The following DOCK3 variants were observed in gnomAD, a reference collection of about 807,000 sequenced individuals.
DOCK3 encodes the protein dedicator of cytokinesis 3.
DOCK3 carries 60 observed loss-of-function variants against 265.6 expected under a neutral mutation model. The observed-to-expected ratio is 0.23, with a 90% CI of 0.18 to 0.28. DOCK3 has a LOEUF of 0.28. Ranked by LOEUF, DOCK3 falls within the 10% of genes least tolerant of loss-of-function variation. DOCK3 has a pLI of 1.00. For missense variants in DOCK3, 1,981 were observed against 2,594.3 expected (o/e 0.76, Z 5.14); for synonymous variants, 881 against 938.0 (o/e 0.94, Z 1.11).
At chr3:51,157,434 T>TG (rs2085905921) in intron 10 of DOCK3, among the ~76,000 whole-genome samples, 1 of 152,022 alleles carries the variant, frequency 6.6e-6, no homozygotes, top group African/African-American at 2.4e-5. Flanking sequence ...TTAGTAGAGA[T>TG]GGGGTTTCAC....
chr3:51,231,482 G>A (rs1185908101), intron 19 of DOCK3, among the ~76,000 whole-genome samples: 1 of 152,052 alleles, frequency 6.6e-6, no homozygotes, highest in African/African-American at 2.4e-5. Flanking sequence ...TCTCATTGTG[G>A]TTTTGATTTG....
intron 21 of DOCK3, among the ~76,000 whole-genome samples, chr3:51,238,119 C>CTTT (rs747331452): frequency 1.5e-4 from 7 of 47,486 alleles, no homozygotes; most frequent in Admixed American, 3.8e-4. Context: ...ATATTTACCA[C>CTTT]TTTTTTTTTT....
intron 1 of DOCK3, among the ~76,000 whole-genome samples, chr3:50,701,775 C>T (rs1172854926): frequency 1.3e-5 from 2 of 152,148 alleles, no homozygotes; most frequent in African/African-American, 2.4e-5. Flanking sequence ...TTTCATTCTT[C>T]TACATATTGA....
chr3:50,736,783 G>A (rs1399670409), intron 1 of DOCK3, among the ~76,000 whole-genome samples: 5 of 143,704 alleles, frequency 3.5e-5, no homozygotes, highest in Middle Eastern at 3.6e-3. Context: ...TGCAAGCTCC[G>A]CCTCCCAGGT....
rs2086755234 is a variant in DOCK3, at chr3:51,361,794, C to T, written c.5007-65C>T. 1 of 1,565,426 alleles carries T rather than the reference C, an allele frequency of 6.4e-7. No homozygotes were observed. Reference sequence around the variant, plus strand: ...AGGGATGACTATTCCACACATTCCGCTCTACTGTCCCCCTGCCACCTGCCA... The same window carrying T: ...AGGGATGACTATTCCACACATTCCGTTCTACTGTCCCCCTGCCACCTGCCA... On this transcript the variant is annotated intron_variant, in intron 47 of 52. Transcript: ENST00000266037. The surrounding 1 kb of genome is among the most constrained non-coding windows in gnomAD (Gnocchi z 4.2).
At chr3:50,716,855 G>A (rs551126936) in intron 1 of DOCK3, among the ~76,000 whole-genome samples, 1 of 152,134 alleles carries the variant, frequency 6.6e-6, no homozygotes, top group Non-Finnish European at 1.5e-5. Context: ...TCACCACTGT[G>A]ATGCTTCCCT....
chr3:50,771,785 A>C (rs922571711), intron 1 of DOCK3, among the ~76,000 whole-genome samples: 1 of 152,184 alleles, frequency 6.6e-6, no homozygotes, highest in East Asian at 1.9e-4. Flanking sequence ...CGGGAGGCGG[A>C]GCTTGCACTG....
chr3:51,207,353 C>T (rs1288697011), intron 12 of DOCK3, among the ~76,000 whole-genome samples: 1 of 152,138 alleles, frequency 6.6e-6, no homozygotes, highest in Non-Finnish European at 1.5e-5. Flanking sequence ...GGGAGAAAAA[C>T]TGAAATTACC....
chr3:50,988,232 A>AT (rs1383542480), intron 5 of DOCK3, among the ~76,000 whole-genome samples: 1 of 151,888 alleles, frequency 6.6e-6, no homozygotes, highest in Non-Finnish European at 1.5e-5. Context: ...GACAGAAGGG[A>AT]TCCCCCAGCA....
At chr3:51,159,161 A>T in intron 10 of DOCK3, 83 bp from the exon 11 acceptor site, 1 of 1,387,138 alleles carries the variant, frequency 7.2e-7, no homozygotes, top group Middle Eastern at 1.8e-4. Flanking sequence ...CATACAGTAA[A>T]AGCAAATGAC....
intron 5 of DOCK3, among the ~76,000 whole-genome samples, chr3:51,011,435 A>G (rs55698738): frequency 0.07 from 10,624 of 152,208 alleles, 606 homozygotes; most frequent in East Asian, 0.24. Flanking sequence ...AAGCTTGTGC[A>G]TTCGTCACAT....
intron 9 of DOCK3, among the ~76,000 whole-genome samples, chr3:51,129,916 G>A (rs895847516): frequency 5.3e-5 from 8 of 152,070 alleles, no homozygotes; most frequent in African/African-American, 1.2e-4. Context: ...CACTCAAAAC[G>A]GTCAGGTCAC....
At chr3:51,352,264 T>G (rs1351348431) in intron 40 of DOCK3, among the ~76,000 whole-genome samples, 1 of 152,238 alleles carries the variant, frequency 6.6e-6, no homozygotes, top group African/African-American at 2.4e-5. Flanking sequence ...ATCCACAATT[T>G]GTACATCAAA....
chr3:50,805,363 G>C (rs1469917137), intron 2 of DOCK3, among the ~76,000 whole-genome samples: 1 of 152,148 alleles, frequency 6.6e-6, no homozygotes, highest in African/African-American at 2.4e-5. Context: ...CTCTGGGTGG[G>C]GACATGTGTG....
chr3:51,144,793 T>C (rs1467017125), intron 9 of DOCK3, among the ~76,000 whole-genome samples: 1 of 152,218 alleles, frequency 6.6e-6, no homozygotes, highest in Non-Finnish European at 1.5e-5. Flanking sequence ...TAACAATTTG[T>C]AGACGGACCA....
chr3:51,303,751 G>A (rs1187030024), intron 27 of DOCK3, among the ~76,000 whole-genome samples: 1 of 152,198 alleles, frequency 6.6e-6, no homozygotes, highest in Non-Finnish European at 1.5e-5. Context: ...GTCACCTGAG[G>A]AGGCTACAGA....
chr3:51,151,266 G>C (rs548380792), intron 10 of DOCK3, among the ~76,000 whole-genome samples: 37 of 152,136 alleles, frequency 2.4e-4, no homozygotes, highest in Middle Eastern at 3.4e-3. Context: ...TCTTTATCCA[G>C]TTTGCCAGTC....
Position 50,717,981 on chromosome 3 carries a change from GTTATA to G in DOCK3, c.37+42685_37+42689del, listed in dbSNP as rs575368292. Among the ~76,000 whole-genome samples the G allele has an allele frequency of 2.6e-5, 4 of 152,238 alleles. No individual in the cohort carries two copies. The South Asian group carries it at 8.3e-4, about 32-fold the overall frequency. On this transcript the variant is annotated intron_variant, in intron 1 of 52. Coordinates refer to ENST00000266037, the MANE Select transcript of DOCK3 (RefSeq NM_004947.5). ...ATCTTATACTTCTTACTTGGTTTGTGTTATATTAAGCATTCACAATATATATCAAG... is the reference window on the plus strand; with the variant it reads ...ATCTTATACTTCTTACTTGGTTTGTGTTAAGCATTCACAATATATATCAAG...
intron 3 of DOCK3, among the ~76,000 whole-genome samples, chr3:50,858,615 C>T (rs1403507336): frequency 6.6e-6 from 1 of 151,944 alleles, no homozygotes; most frequent in African/African-American, 2.4e-5. Flanking sequence ...GAAAATCTGA[C>T]AGTTATGTGT....
Sources: gnomAD v4.1 joint callset for allele counts (sites outside exome capture counted in the v4.1 genomes callset) on GRCh38, gnomAD v4.1.1 for gene constraint, Gnocchi (gnomAD v3.1) non-coding constraint, MANE v1.5 for transcripts, NCBI Gene and HGNC (gene_info 2026-07-23, HGNC 2026-07-21) for gene names.